The following BEGAIN variants were observed in gnomAD, a reference collection of about 807,000 sequenced individuals.
The protein encoded by BEGAIN is brain-enriched guanylate kinase-associated protein.
BEGAIN carries 19 observed loss-of-function variants against 35.8 expected under a neutral mutation model. That is an observed-to-expected ratio of 0.53 (90% CI 0.37 to 0.78). The LOEUF is 0.78. Ranked by LOEUF, BEGAIN falls within the 30% of genes least tolerant of loss-of-function variation. BEGAIN has a pLI of 0.00. For missense variants in BEGAIN, 795 were observed against 853.6 expected (o/e 0.93, Z 0.85); for synonymous variants, 462 against 388.6 (o/e 1.19, Z -2.22).
chr14:100,580,169 G>A (rs1192017712), intron 1 of BEGAIN, among the ~76,000 whole-genome samples: 3 of 152,182 alleles, frequency 2.0e-5, no homozygotes, highest in Non-Finnish European at 4.4e-5. Context: ...GCTGGGTGTG[G>A]TGGCGCCTGC....
At chr14:100,543,992 G>A (rs1367233898) in intron 4 of BEGAIN, 27 bp from the exon 5 acceptor site, 2 of 1,571,228 alleles carry the variant, frequency 1.3e-6, no homozygotes, top group African/African-American at 1.4e-5. Flanking sequence ...GGGAGGAGGA[G>A]GCCCGTGGTT....
At chr14:100,559,125 C>T (rs973292279) in intron 2 of BEGAIN, among the ~76,000 whole-genome samples, 6 of 152,138 alleles carry the variant, frequency 3.9e-5, no homozygotes, top group African/African-American at 1.4e-4. Context: ...GGCTTGGGGC[C>T]GTCCCTCTGC....
intron 2 of BEGAIN, chr14:100,548,083 C>G (rs529381507): frequency 6.6e-6 from 1 of 152,152 alleles, no homozygotes; most frequent in African/African-American, 2.4e-5. Context: ...AAGGGCAGGG[C>G]GGGTCTTCCC....
chr14:100,567,070 C>T lies in BEGAIN; in HGVS notation c.71+841G>A, dbSNP rs534860270. 3.3e-5 allele frequency among the ~76,000 whole-genome samples: 5 copies of T among 152,264 alleles called. No individual in the cohort carries two copies. Among genetic ancestry groups the T allele is most frequent in the African/African-American group, 4.8e-5 (2 of 41,560 alleles). ...CAATTCTGGCCTCGGGAGGGAGTGG[C>T]GAGGACGGAGACCCTGTGGGCCAGG... On this transcript the variant is annotated intron_variant, in intron 2 of 6. Coordinates refer to ENST00000554140, the MANE Select transcript of BEGAIN (RefSeq NM_001385089.1). The surrounding 1 kb of genome is among the most constrained non-coding windows in gnomAD (Gnocchi z 5.1).
intron 2 of BEGAIN, among the ~76,000 whole-genome samples, chr14:100,552,905 C>A (rs887579201): frequency 2.0e-5 from 3 of 152,226 alleles, no homozygotes; most frequent in Non-Finnish European, 4.4e-5. Context: ...TGCCAAGAGA[C>A]CTTGCCTTGG....
In BEGAIN at chr14:100,567,902, T is replaced by C; in HGVS notation, c.71+9A>G. Reference sequence around the variant, plus strand: ...CCGCGAGCCGCGGCACGGGAGACGCTCCACTCACCTGAGTTTCTCCATGTC... The same window carrying C: ...CCGCGAGCCGCGGCACGGGAGACGCCCCACTCACCTGAGTTTCTCCATGTC... On this transcript the variant is annotated intron_variant, in intron 2 of 6. Transcript: ENST00000554140. This position sits in a 1 kb window ranked among gnomAD's most constrained non-coding sequence, Gnocchi z 5.1. 1.4e-6 allele frequency: 2 copies of C among 1,460,488 alleles called. No individual in the cohort carries two copies. The highest frequency in any genetic ancestry group is 2.2e-5 in the Admixed American group (1 of 44,550). 90.5% of individuals were successfully genotyped at this position (1,460,488 alleles called of 1,614,324 possible). A position where few individuals can be genotyped will look rare whatever the true frequency, so the allele number is the denominator to read the frequency against.
Position 100,558,365 on chromosome 14 carries a change from C to T in BEGAIN, c.71+9546G>A, listed in dbSNP as rs1039854142. On this transcript the variant is annotated intron_variant, in intron 2 of 6. Coordinates refer to ENST00000554140, the MANE Select transcript of BEGAIN (RefSeq NM_001385089.1). This position sits in a 1 kb window ranked among gnomAD's most constrained non-coding sequence, Gnocchi z 4.6. Reference sequence around the variant, plus strand: ...CTGCCTCTCCCTGCTCCCGCACCTCCCACCCTCACTGCGCTCTCCGGCTGC... The same window carrying T: ...CTGCCTCTCCCTGCTCCCGCACCTCTCACCCTCACTGCGCTCTCCGGCTGC... 2.0e-5 allele frequency among the ~76,000 whole-genome samples: 3 copies of T among 152,174 alleles called. No homozygotes were observed. Among genetic ancestry groups the T allele is most frequent in the African/African-American group, 7.2e-5 (3 of 41,434 alleles).
chr14:100,542,375 C>T (rs1396515921), intron 5 of BEGAIN, among the ~76,000 whole-genome samples: 1 of 152,266 alleles, frequency 6.6e-6, no homozygotes, highest in Non-Finnish European at 1.5e-5. Context: ...CCCTCCCAGG[C>T]ATCCTTGCTG....
rs1402979841 is a variant in BEGAIN, at chr14:100,538,233, C to T, written c.1575G>A (p.Ser525=). ...GGDLSLSPGR[S]ADPLPGYAPS... The stretch of plus-strand genomic sequence containing the variant: ...GTGCATAGCCGGGCAGTGGGTCAGC[C>T]GAGCGGCCGGGACTGAGGCTCAGGT... Residue 525 remains serine (S), a synonymous_variant, in exon 7 of 7, where the codon TCG becomes TCA. Coordinates refer to ENST00000554140, the MANE Select transcript of BEGAIN (RefSeq NM_001385089.1). The T allele has an allele frequency of 2.5e-6, 4 of 1,568,702 alleles. No homozygotes were observed. Among genetic ancestry groups the T allele is most frequent in the Non-Finnish European group, 2.6e-6 (3 of 1,164,132 alleles).
chr14:100,545,532 G>C (rs2032262432), intron 3 of BEGAIN: 1 of 720,330 alleles, frequency 1.4e-6, no homozygotes, highest in Non-Finnish European at 1.7e-6. Context: ...GTTCTGCCGG[G>C]TAGGAGGAGT....
intron 1 of BEGAIN, among the ~76,000 whole-genome samples, chr14:100,575,939 C>T (rs1034434163): frequency 2.6e-5 from 4 of 152,110 alleles, no homozygotes; most frequent in Admixed American, 6.5e-5. Flanking sequence ...CCCCAGAGGA[C>T]GGTCTGCGTG....
intron 2 of BEGAIN, among the ~76,000 whole-genome samples, chr14:100,566,174 CAGCCCAGG>C (rs2139697836): frequency 6.6e-6 from 1 of 152,338 alleles, no homozygotes; most frequent in South Asian, 2.1e-4. Flanking sequence ...TGGCCCGATG[CAGCCCAGG>C]AGCCCAGGCC....
chr14:100,583,947 C>A (rs946854746), intron 1 of BEGAIN, among the ~76,000 whole-genome samples: 1 of 152,180 alleles, frequency 6.6e-6, no homozygotes, highest in African/African-American at 2.4e-5. Context: ...GGTCCACTCA[C>A]CTTGGCCTCC....
In BEGAIN at chr14:100,577,559, C is replaced by A. The variant is rs915464825; in HGVS notation, c.43-9620G>T. 7 of 398,988 alleles carry A rather than the reference C, an allele frequency of 1.8e-5. 1 individual carries two copies. Among genetic ancestry groups the A allele is most frequent in the Non-Finnish European group, 3.1e-5 (7 of 226,106 alleles). The allele number at this position is 398,988 out of a possible 1,614,324, so 24.7% of individuals were successfully genotyped here. A position where few individuals can be genotyped will look rare whatever the true frequency, so the allele number is the denominator to read the frequency against. Reference sequence around the variant, plus strand: ...GGCTCTGGGCTGCGGCCTCTGGGCACCCTGAAGGCCTCCAGGGTCCCAGGG... The same window carrying A: ...GGCTCTGGGCTGCGGCCTCTGGGCAACCTGAAGGCCTCCAGGGTCCCAGGG... On this transcript the variant is annotated intron_variant, in intron 1 of 6. Transcript: ENST00000554140.
rs978813997 is a variant in BEGAIN at position 100,586,428 on chromosome 14, G to T, written c.42+821C>A. On this transcript the variant is annotated intron_variant, in intron 1 of 6. Coordinates refer to ENST00000554140, the MANE Select transcript of BEGAIN (RefSeq NM_001385089.1). This position sits in a 1 kb window ranked among gnomAD's most constrained non-coding sequence, Gnocchi z 4.9. Reference sequence around the variant, plus strand: ...GGCCCCGCTCCCGGGTGCCCACTCTGCTCCCATTCTGCCGGCTCAGGAGAC... The same window carrying T: ...GGCCCCGCTCCCGGGTGCCCACTCTTCTCCCATTCTGCCGGCTCAGGAGAC... Among the ~76,000 whole-genome samples the T allele has an allele frequency of 4.6e-5, 7 of 152,314 alleles. No individual in the cohort carries two copies. In the East Asian group the frequency reaches 9.7e-4, roughly 21 times the overall value.
chr14:100,545,045 T>A lies in BEGAIN; in HGVS notation c.255A>T (p.Ala85=). Residue 85 remains alanine, a synonymous_variant, in exon 4 of 7, where the codon GCA becomes GCT. Transcript: ENST00000554140. The part of the protein sequence containing the change: ...KLRRIQSNYM[A]LQRINQELED... ...CCAGCTCCTGGTTGATCCTCTGCAG[T>A]GCCATGTAGTTGCTCTGAATCCTGG... 2 of 1,613,348 alleles carry A rather than the reference T, an allele frequency of 1.2e-6. No homozygotes were observed. The highest frequency in any genetic ancestry group is 1.7e-6 in the Non-Finnish European group (2 of 1,179,968).
At chr14:100,556,756 C>G (rs1354278459) in intron 2 of BEGAIN, among the ~76,000 whole-genome samples, 1 of 152,168 alleles carries the variant, frequency 6.6e-6, no homozygotes, top group African/African-American at 2.4e-5. Flanking sequence ...TCTGAGCTCC[C>G]AGCTGCGATT....
intron 1 of BEGAIN, chr14:100,577,617 CCTGGAGAAGGGCAGT>C: frequency 2.5e-6 from 1 of 399,096 alleles, no homozygotes; most frequent in Non-Finnish European, 4.4e-6. Flanking sequence ...CATCCAGGAA[CCTGGAGAAGGGCAGT>C]CTGGCCTCCC....
At chr14:100,577,211 T>C (rs1187635220) in intron 1 of BEGAIN, 1 of 397,934 alleles carries the variant, frequency 2.5e-6, no homozygotes, top group Non-Finnish European at 4.4e-6. Flanking sequence ...GTTACAAATA[T>C]TATAAATGGG....
Sources: gnomAD v4.1 joint callset for allele counts (sites outside exome capture counted in the v4.1 genomes callset) on GRCh38, gnomAD v4.1.1 for gene constraint, Gnocchi (gnomAD v3.1) non-coding constraint, MANE v1.5 for transcripts, NCBI Gene and HGNC (gene_info 2026-07-23, HGNC 2026-07-21) for gene names.